The following LMX1B variants were observed in gnomAD, a reference collection of about 807,000 sequenced individuals.
LMX1B encodes the protein LIM homeobox transcription factor 1-beta.
LMX1B carries 12 observed loss-of-function variants against 51.4 expected under a neutral mutation model. The observed-to-expected ratio is 0.23, with a 90% confidence interval of 0.15 to 0.38. The LOEUF is 0.38. LMX1B is among the 10% of genes least tolerant of loss of function. The pLI, the probability that LMX1B is intolerant of heterozygous loss-of-function variation, is 1.00. For synonymous variants in LMX1B, 237 were observed against 235.4 expected (o/e 1.01, Z -0.06); for missense variants, 445 against 571.1 (o/e 0.78, Z 2.25).
chr9:126,615,284 C>G lies in LMX1B; in HGVS notation c.140-99C>G. 4.5e-6 allele frequency: 4 copies of G among 895,572 alleles called. No individual in the cohort carries two copies. The highest frequency in any genetic ancestry group is 5.8e-6 in the Non-Finnish European group (4 of 690,226). 55.5% of individuals were successfully genotyped at this position (895,572 alleles called of 1,614,324 possible). ...CGGCAGGCGGTGATCCCGGGCGGCC[C>G]GAGCCCTCGGGGCCGAGGGCTGTGG... On this transcript the variant is annotated intron_variant, in intron 1 of 7. Transcript: ENST00000373474. The surrounding 1 kb of genome is among the most constrained non-coding windows in gnomAD (Gnocchi z 6.0).
Position 126,614,293 on chromosome 9 carries a change from A to C in LMX1B, c.-157A>C. 3.7e-6 allele frequency: 1 copy of C among 270,988 alleles called. No homozygotes were observed. Among genetic ancestry groups the C allele is most frequent in the Non-Finnish European group, 5.6e-6 (1 of 180,150 alleles). The allele number at this position is 270,988 out of a possible 1,614,324, so 16.8% of individuals were successfully genotyped here. ...CCGCACGACGCCGGGGCCCGGGGCC[A>C]GCGCGTCGCCGCTCCACGATCGCCG... On this transcript the variant is annotated 5_prime_UTR_variant, in exon 1 of 8. Transcript: ENST00000373474.
At chr9:126,653,955 C>T (rs1177528585) in intron 2 of LMX1B, among the ~76,000 whole-genome samples, 1 of 152,120 alleles carries the variant, frequency 6.6e-6, no homozygotes, top group African/African-American at 2.4e-5. Flanking sequence ...TGGAACTCTC[C>T]CCTTCTCTCC....
At chr9:126,662,681 C>T (rs1313496302) in intron 2 of LMX1B, among the ~76,000 whole-genome samples, 1 of 152,196 alleles carries the variant, frequency 6.6e-6, no homozygotes, top group East Asian at 1.9e-4. Context: ...CGGTGGGCGG[C>T]CTGTTGGAGC....
intron 2 of LMX1B, among the ~76,000 whole-genome samples, chr9:126,653,414 C>T (rs1243905752): frequency 6.6e-6 from 1 of 151,992 alleles, no homozygotes; most frequent in African/African-American, 2.4e-5. Context: ...CCTTGACCTC[C>T]CGAAGTGTTG....
chr9:126,621,655 CTTTTTTTTTT>C (rs71377950), intron 2 of LMX1B, among the ~76,000 whole-genome samples: 29,881 of 116,750 alleles, frequency 0.26, 3,499 homozygotes, highest in East Asian at 0.44. Flanking sequence ...TCTCTCTCTT[CTTTTTTTTTT>C]TTTTTTTTTT....
Position 126,699,703 on chromosome 9 carries a change from C to G in LMX1B, c.*3252C>G, listed in dbSNP as rs1564172861. 1 of 152,264 alleles carries G rather than the reference C, an allele frequency of 6.6e-6. No homozygotes were observed. Among genetic ancestry groups the G allele is most frequent in the South Asian group, 2.1e-4 (1 of 4,836 alleles). The allele number at this position is 152,264 out of a possible 1,614,324, so 9.4% of individuals were successfully genotyped here. ...AGACTCTCCGGCCCAGCCAGAGAGT[C>G]CAGACATGGCAGGGACCCGTTTCTC... On this transcript the variant is annotated 3_prime_UTR_variant, in exon 8 of 8. Transcript: ENST00000373474.
intron 2 of LMX1B, among the ~76,000 whole-genome samples, chr9:126,676,936 T>C (rs1353140458): frequency 6.6e-6 from 1 of 152,232 alleles, no homozygotes; most frequent in Non-Finnish European, 1.5e-5. Flanking sequence ...TCTCTGTACC[T>C]GCTGGGAGCT....
rs1439559233 is a variant in LMX1B, at chr9:126,671,277, T to A, written c.327-19559T>A. ...AATTTCTTGAGATGCTTTAATTTTT[T>A]AAAAGCCCCACGTAGATGCTTTGCA... is the stretch of plus-strand genomic sequence containing the variant. On this transcript the variant is annotated intron_variant, in intron 2 of 7. Coordinates refer to ENST00000373474, the MANE Select transcript of LMX1B (RefSeq NM_001174147.2). The surrounding 1 kb of genome is among the most constrained non-coding windows in gnomAD (Gnocchi z 4.4). 1.3e-5 allele frequency among the ~76,000 whole-genome samples: 2 copies of A among 152,118 alleles called. No individual in the cohort carries two copies. The highest frequency in any genetic ancestry group is 1.3e-4 in the Admixed American group (2 of 15,284).
intron 2 of LMX1B, among the ~76,000 whole-genome samples, chr9:126,649,697 C>T (rs2118898686): frequency 6.6e-6 from 1 of 152,340 alleles, no homozygotes; most frequent in Admixed American, 6.5e-5. Flanking sequence ...GCAGTCTTGG[C>T]TCACTGCCAT....
In LMX1B at chr9:126,696,022, A is replaced by G; in HGVS notation, c.1051+19A>G. On this transcript the variant is annotated intron_variant, in intron 7 of 7. Coordinates refer to ENST00000373474, the MANE Select transcript of LMX1B (RefSeq NM_001174147.2). ...CCCTATGGTAAGCCGCCCTACCCCC[A>G]CCCGCCCGCCCCAGCACAGCCCCTG... 1.9e-6 allele frequency: 1 copy of G among 523,604 alleles called. No homozygotes were observed. Among genetic ancestry groups the G allele is most frequent in the South Asian group, 3.7e-5 (1 of 27,346 alleles). 32.4% of individuals were successfully genotyped at this position (523,604 alleles called of 1,614,324 possible).
chr9:126,668,486 C>G (rs922131278), intron 2 of LMX1B, among the ~76,000 whole-genome samples: 1 of 121,122 alleles, frequency 8.3e-6, no homozygotes. Flanking sequence ...TGGAGTCTCG[C>G]TCTGTCGCCC....
At position 126,699,062 on chromosome 9, in the gene LMX1B, A is replaced by T. The variant is rs2030448988; in HGVS notation, c.*2611A>T. 6.6e-6 allele frequency: 1 copy of T among 152,216 alleles called. No homozygotes were observed. Among genetic ancestry groups the T allele is most frequent in the Non-Finnish European group, 1.5e-5 (1 of 68,076 alleles). The allele number at this position is 152,216 out of a possible 1,614,324, so 9.4% of individuals were successfully genotyped here. Reference sequence around the variant, plus strand: ...CTCTTTCTCCTTTTGCACATGCACCATCTGAATCGTGCCAGGGACATCCTG... The same window carrying T: ...CTCTTTCTCCTTTTGCACATGCACCTTCTGAATCGTGCCAGGGACATCCTG... On this transcript the variant is annotated 3_prime_UTR_variant, in exon 8 of 8. Coordinates refer to ENST00000373474, the MANE Select transcript of LMX1B (RefSeq NM_001174147.2).
At chr9:126,632,217 T>G (rs919363506) in intron 2 of LMX1B, among the ~76,000 whole-genome samples, 5 of 152,182 alleles carry the variant, frequency 3.3e-5, no homozygotes, top group Non-Finnish European at 7.3e-5. Flanking sequence ...GCCGTTTTTC[T>G]TAGAGGGAAG....
rs1002774133 is a variant in LMX1B at position 126,677,035 on chromosome 9, C to T, written c.327-13801C>T. Among the ~76,000 whole-genome samples the T allele has an allele frequency of 5.9e-5, 9 of 152,138 alleles. No homozygotes were observed. The South Asian group carries it at 1.2e-3, about 21-fold the overall frequency. On this transcript the variant is annotated intron_variant, in intron 2 of 7. Coordinates refer to ENST00000373474, the MANE Select transcript of LMX1B (RefSeq NM_001174147.2). This position sits in a 1 kb window ranked among gnomAD's most constrained non-coding sequence, Gnocchi z 5.0. ...GTGATTAAGCGGCTCAGGCAGGCAGCGGGCGGCTGGGGCGGGGCATGGGGC... is the reference window on the plus strand; with the variant it reads ...GTGATTAAGCGGCTCAGGCAGGCAGTGGGCGGCTGGGGCGGGGCATGGGGC...
At chr9:126,686,955 A>G (rs1337898823) in intron 2 of LMX1B, among the ~76,000 whole-genome samples, 1 of 152,216 alleles carries the variant, frequency 6.6e-6, no homozygotes, top group East Asian at 1.9e-4. Flanking sequence ...CAGGCCAAAC[A>G]AGCTAGAAGG....
rs375657880 is a variant in LMX1B at position 126,690,941 on chromosome 9, C to T, written c.432C>T (p.Cys144=). 118 of 1,614,056 alleles carry T rather than the reference C, an allele frequency of 7.3e-5. 1 individual carries two copies. In the South Asian group the frequency reaches 1.1e-3, roughly 15 times the overall value. ...ACCACCTGGGCTGCTTCTGCTGCTG[C>T]GTGTGTGAACGGCAGCTACGCAAGG... ...CVYHLGCFCC[C]VCERQLRKGD... The change falls in exon 3 of 8, where the codon TGC becomes TGT. Residue 144 remains cysteine (C), a synonymous_variant. Transcript: ENST00000373474.
chr9:126,661,626 A>G (rs1352837273), intron 2 of LMX1B, among the ~76,000 whole-genome samples: 2 of 152,114 alleles, frequency 1.3e-5, no homozygotes, highest in South Asian at 4.1e-4. Flanking sequence ...CTGGGCCACC[A>G]GGAGCCTGGG....
chr9:126,671,354 G>T lies in LMX1B; in HGVS notation c.327-19482G>T, dbSNP rs529645669. Among the ~76,000 whole-genome samples the T allele has an allele frequency of 2.0e-5, 3 of 152,098 alleles. No individual in the cohort carries two copies. The highest frequency in any genetic ancestry group is 3.9e-4 in the East Asian group (2 of 5,178). On this transcript the variant is annotated intron_variant, in intron 2 of 7. Transcript: ENST00000373474. This position sits in a 1 kb window ranked among gnomAD's most constrained non-coding sequence, Gnocchi z 4.4. ...AATGAGGTGCGCCAGCAGAAGGCCCGCCAGGCCCACAGCCCTCCCCTCCCA... is the reference window on the plus strand; with the variant it reads ...AATGAGGTGCGCCAGCAGAAGGCCCTCCAGGCCCACAGCCCTCCCCTCCCA...
rs573846724 is a variant in LMX1B at position 126,626,415 on chromosome 9, G to A, written c.326+10846G>A. The stretch of plus-strand genomic sequence containing the variant: ...GATGGAGGAAACCCTTTCCGGGCAG[G>A]ACGAGTAGAGGGACAGGACATGGCC... On this transcript the variant is annotated intron_variant, in intron 2 of 7. Transcript: ENST00000373474. The surrounding 1 kb of genome is among the most constrained non-coding windows in gnomAD (Gnocchi z 4.3). 6.6e-6 allele frequency among the ~76,000 whole-genome samples: 1 copy of A among 152,354 alleles called. No individual in the cohort carries two copies. The highest frequency in any genetic ancestry group is 6.5e-5 in the Admixed American group (1 of 15,306).
Sources: gnomAD v4.1 joint callset for allele counts (sites outside exome capture counted in the v4.1 genomes callset) on GRCh38, gnomAD v4.1.1 for gene constraint, Gnocchi (gnomAD v3.1) non-coding constraint, MANE v1.5 for transcripts, NCBI Gene and HGNC (gene_info 2026-07-23, HGNC 2026-07-21) for gene names.